Variants in LRMDA observed in about 807,000 individuals in gnomAD.
LRMDA encodes the protein leucine-rich melanocyte differentiation-associated protein.
In LRMDA, 18 loss-of-function variants were observed where a neutral mutation model predicts 29.8. The ratio of observed to expected loss-of-function variants is 0.60; its 90% confidence interval spans 0.42 to 0.90. LRMDA has a LOEUF of 0.90. Among genes scored for constraint, LRMDA ranks in the 40% least tolerant of loss-of-function variants. LRMDA has a pLI of 0.00. For missense variants in LRMDA, 273 were observed against 273.9 expected (o/e 1.00, Z 0.02); for synonymous variants, 125 against 109.4 (o/e 1.14, Z -0.89).
At chr10:75,513,114 C>T (rs1341813116) in intron 2 of LRMDA, among the ~76,000 whole-genome samples, 2 of 152,146 alleles carry the variant, frequency 1.3e-5, no homozygotes, top group East Asian at 1.9e-4. Flanking sequence ...CTTGTTAAAA[C>T]CTTTCACCAG....
At chr10:76,366,021 T>C (rs1042072310) in intron 6 of LRMDA, among the ~76,000 whole-genome samples, 4 of 152,222 alleles carry the variant, frequency 2.6e-5, no homozygotes, top group Non-Finnish European at 5.9e-5. Flanking sequence ...TTTATGTTTT[T>C]GTTTACTTTG....
intron 5 of LRMDA, among the ~76,000 whole-genome samples, chr10:76,252,424 A>T (rs909424984): frequency 6.6e-6 from 1 of 152,198 alleles, no homozygotes; most frequent in Admixed American, 6.5e-5. Flanking sequence ...TTGACCAGAG[A>T]GGTAAATTAC....
intron 2 of LRMDA, among the ~76,000 whole-genome samples, chr10:75,495,077 G>T (rs1320414032): frequency 6.6e-6 from 1 of 152,236 alleles, no homozygotes; most frequent in Non-Finnish European, 1.5e-5. Flanking sequence ...TGCAAAGGAG[G>T]CAGAGAATTG....
chr10:75,572,532 CTT>C (rs1840450522), intron 2 of LRMDA, among the ~76,000 whole-genome samples: 1 of 152,168 alleles, frequency 6.6e-6, no homozygotes. Flanking sequence ...TCTATTCACT[CTT>C]TTAAGTTTCG....
At chr10:75,663,774 T>A (rs763859068) in intron 2 of LRMDA, among the ~76,000 whole-genome samples, 10 of 152,210 alleles carry the variant, frequency 6.6e-5, no homozygotes, top group Non-Finnish European at 1.3e-4. Flanking sequence ...ATGTGTGTAT[T>A]CCCTATGTAG....
intron 6 of LRMDA, among the ~76,000 whole-genome samples, chr10:76,461,349 A>T (rs576533803): frequency 6.6e-6 from 1 of 152,160 alleles, no homozygotes; most frequent in Non-Finnish European, 1.5e-5. Flanking sequence ...CTTCACTGCC[A>T]GTGAACTCTA....
intron 2 of LRMDA, among the ~76,000 whole-genome samples, chr10:75,968,702 A>G (rs770036233): frequency 1.3e-5 from 2 of 152,258 alleles, no homozygotes; most frequent in Non-Finnish European, 2.9e-5. Context: ...TGAAGTGGCT[A>G]TCATTAAAAA....
At chr10:76,177,948 T>C (rs1407578162) in intron 5 of LRMDA, among the ~76,000 whole-genome samples, 3 of 152,216 alleles carry the variant, frequency 2.0e-5, no homozygotes, top group African/African-American at 4.8e-5. Context: ...AGCCCCCAGA[T>C]TGGCATTCCA....
intron 2 of LRMDA, among the ~76,000 whole-genome samples, chr10:75,530,281 T>A (rs1175742806): frequency 1.3e-5 from 2 of 151,026 alleles, no homozygotes; most frequent in East Asian, 1.9e-4. Flanking sequence ...AAAAAAAAAA[T>A]AACATTGATT....
At chr10:76,397,000 C>T (rs967124466) in intron 6 of LRMDA, among the ~76,000 whole-genome samples, 8 of 152,166 alleles carry the variant, frequency 5.3e-5, no homozygotes, top group African/African-American at 1.9e-4. Context: ...TTTCCCTCAA[C>T]TTGTCTGGAG....
In LRMDA at chr10:76,462,799, G is replaced by T. The variant is rs1043406379; in HGVS notation, c.602-94410G>T. Among the ~76,000 whole-genome samples the T allele has an allele frequency of 2.0e-4, 30 of 152,160 alleles. 1 individual carries two copies. Among genetic ancestry groups the T allele is most frequent in the Non-Finnish European group, 4.4e-5 (3 of 68,024 alleles). On this transcript the variant is annotated intron_variant, in intron 6 of 6. Coordinates refer to ENST00000611255, the MANE Select transcript of LRMDA (RefSeq NM_001305581.2). ...ATTGGACAACTGGGAAAGCACACAG[G>T]GAACAGTGGGGGTTGTTGAGCTCAG...
chr10:75,962,948 A>G (rs1408175118), intron 2 of LRMDA, among the ~76,000 whole-genome samples: 4 of 152,174 alleles, frequency 2.6e-5, no homozygotes, highest in African/African-American at 9.7e-5. Flanking sequence ...TGATGTATGG[A>G]TTATACATGA....
At chr10:75,485,648 G>T (rs1440117884) in intron 2 of LRMDA, among the ~76,000 whole-genome samples, 1 of 152,082 alleles carries the variant, frequency 6.6e-6, no homozygotes, top group African/African-American at 2.4e-5. Flanking sequence ...AGCGATCTCA[G>T]TGCACCGCAA....
intron 6 of LRMDA, among the ~76,000 whole-genome samples, chr10:76,373,207 C>G (rs533192011): frequency 6.6e-6 from 1 of 152,174 alleles, no homozygotes; most frequent in East Asian, 1.9e-4. Context: ...TAAGAATGTC[C>G]ATACATTCTT....
At chr10:76,511,776 T>A in intron 6 of LRMDA, among the ~76,000 whole-genome samples, 1 of 149,768 alleles carries the variant, frequency 6.7e-6, no homozygotes, top group East Asian at 1.9e-4. Flanking sequence ...CTTAATATTA[T>A]CAAAATGACA....
At chr10:76,384,944 G>A (rs982049376) in intron 6 of LRMDA, among the ~76,000 whole-genome samples, 11 of 152,106 alleles carry the variant, frequency 7.2e-5, no homozygotes, top group Non-Finnish European at 1.3e-4. Flanking sequence ...AGTTCCAGAC[G>A]GCATGCTGAA....
intron 2 of LRMDA, among the ~76,000 whole-genome samples, chr10:75,514,037 C>G (rs1845258572): frequency 6.6e-6 from 1 of 152,116 alleles, no homozygotes; most frequent in African/African-American, 2.4e-5. Flanking sequence ...ATCACCTTAA[C>G]TGTTGTTATA....
At chr10:76,207,653 T>G (rs12245858) in intron 5 of LRMDA, among the ~76,000 whole-genome samples, 2,356 of 152,266 alleles carry the variant, frequency 0.015, 66 homozygotes, top group African/African-American at 0.052. Flanking sequence ...CCACCTCCTC[T>G]GTCCCCTCCA....
chr10:75,671,268 G>T (rs549286481), intron 2 of LRMDA, among the ~76,000 whole-genome samples: 1 of 152,268 alleles, frequency 6.6e-6, no homozygotes, highest in Admixed American at 6.5e-5. Context: ...CACTACTAGG[G>T]ATATTTTGGC....
Sources: gnomAD v4.1 joint callset for allele counts (sites outside exome capture counted in the v4.1 genomes callset) on GRCh38, gnomAD v4.1.1 for gene constraint, MANE v1.5 for transcripts, NCBI Gene and HGNC (gene_info 2026-07-23, HGNC 2026-07-21) for gene names.